SLC38A2: variants seen among roughly 807,000 people sequenced by gnomAD.
The protein encoded by SLC38A2 is solute carrier family 38 member 2.
In SLC38A2, 11 loss-of-function variants were observed where a neutral mutation model predicts 61.5. The ratio of observed to expected loss-of-function variants is 0.18; its 90% CI spans 0.11 to 0.30. The LOEUF (loss-of-function observed/expected upper bound fraction) is 0.30, where lower values mean the gene tolerates loss of function less well. Ranked by LOEUF, SLC38A2 falls within the 10% of genes least tolerant of loss-of-function variation. The probability of loss-of-function intolerance (pLI) is 1.00; values close to 1 mark genes in which losing one functional copy is unlikely to be tolerated. For missense variants in SLC38A2, 522 were observed against 600.4 expected, an observed-to-expected ratio of 0.87 and a Z score of 1.36; for synonymous variants, 217 against 212.5, an observed-to-expected ratio of 1.02 and a Z score of -0.18.
chr12:46,365,325 CCT>C, intron 7 of SLC38A2, 136 bp from the exon 8 acceptor site: 1 of 740,096 alleles, frequency 1.4e-6, no homozygotes, highest in South Asian at 1.6e-5. Flanking sequence ...AAAAGTTTCC[CCT>C]GTTCAAGATA....
At chr12:46,369,874 G>A (rs763621193) in intron 4 of SLC38A2, among the ~76,000 whole-genome samples, 36 of 152,034 alleles carry the variant, frequency 2.4e-4, no homozygotes, top group Non-Finnish European at 4.6e-4. Context: ...ACTGTGGGGG[G>A]AACCATTTAA....
rs899739297 is a variant in SLC38A2, at chr12:46,370,675, G to A, written c.199-48C>T. ...CCAAACATATAACAATAATTAAATG[G>A]AGAAAACCAGCTTTGGGCAAGTTAG... On this transcript the variant is annotated intron_variant, in intron 3 of 15. Coordinates refer to ENST00000256689, the MANE Select transcript of SLC38A2 (RefSeq NM_018976.5). 6 of 1,563,818 alleles carry A rather than the reference G, an allele frequency of 3.8e-6. No homozygotes were observed. In the African/African-American group the frequency reaches 8.2e-5, roughly 21 times the overall value.
In SLC38A2 at chr12:46,360,572, T is replaced by C. The variant is rs1943070481; in HGVS notation, c.*539A>G. The C allele has an allele frequency of 2.6e-5, 4 of 152,382 alleles. 1 individual carries two copies. The South Asian group carries it at 8.3e-4, about 32-fold the overall frequency. 9.4% of individuals were successfully genotyped at this position (152,382 alleles called of 1,614,324 possible). A position where few individuals can be genotyped will look rare whatever the true frequency, so the allele number is the denominator to read the frequency against. On this transcript the variant is annotated 3_prime_UTR_variant, in exon 16 of 16. Coordinates refer to ENST00000256689, the MANE Select transcript of SLC38A2 (RefSeq NM_018976.5). Reference sequence around the variant, plus strand: ...TCATTTTTAAATACCAATGACATTATTTTATGGAATTTATTGATAACTGCT... The same window carrying C: ...TCATTTTTAAATACCAATGACATTACTTTATGGAATTTATTGATAACTGCT...
In SLC38A2 at chr12:46,371,210, G is replaced by A. The variant is rs185876867; in HGVS notation, c.84C>T (p.Tyr28=). ...SSYSSNSDFN[Y]SYPTKQAALK... is the part of the protein sequence containing the mutation. Reference sequence around the variant, plus strand: ...GAGCAGCTTGCTTGGTGGGGTAGGAGTAGTTGAAGTCGCTGTTGGAACTGT... The same window carrying A: ...GAGCAGCTTGCTTGGTGGGGTAGGAATAGTTGAAGTCGCTGTTGGAACTGT... Residue 28 remains tyrosine (Y), a synonymous_variant, in exon 2 of 16, where the codon TAC becomes TAT. Transcript: ENST00000256689. 1.4e-5 allele frequency: 23 copies of A among 1,614,246 alleles called. No homozygotes were observed. The highest frequency in any genetic ancestry group is 6.7e-5 in the Admixed American group (4 of 60,034).
chr12:46,367,422 CATT>C (rs1943150642), intron 4 of SLC38A2, 82 bp from the exon 5 acceptor site: 1 of 805,918 alleles, frequency 1.2e-6, no homozygotes, highest in South Asian at 1.5e-5. Context: ...GTTTAAATAA[CATT>C]ATGTGTGCAA....
At chr12:46,362,685 A>G (rs750175358) in intron 13 of SLC38A2, 47 bp from the exon 14 acceptor site, 2 of 1,527,432 alleles carry the variant, frequency 1.3e-6, no homozygotes, top group Admixed American at 2.5e-5. Context: ...GCAGCAATAT[A>G]AAATTTAAAA....
At chr12:46,368,125 A>G (rs1943158037) in intron 4 of SLC38A2, among the ~76,000 whole-genome samples, 1 of 152,204 alleles carries the variant, frequency 6.6e-6, no homozygotes, top group Non-Finnish European at 1.5e-5. Context: ...AAAAAAAAGA[A>G]AGAAAAGGAA....
chr12:46,362,924 T>C, intron 13 of SLC38A2, 97 bp downstream of exon 13: 1 of 1,467,782 alleles, frequency 6.8e-7, no homozygotes, highest in Admixed American at 1.9e-5. Flanking sequence ...AGTATTGTTC[T>C]ACTGGTGTTT....
intron 4 of SLC38A2, among the ~76,000 whole-genome samples, chr12:46,370,181 A>C (rs1943179963): frequency 6.6e-6 from 1 of 152,214 alleles, no homozygotes; most frequent in Non-Finnish European, 1.5e-5. Context: ...ATTTGCCAAA[A>C]CAAAATTTAT....
intron 8 of SLC38A2, 74 bp downstream of exon 8, chr12:46,365,033 A>C: frequency 7.7e-7 from 1 of 1,307,172 alleles, no homozygotes. Context: ...ATTCTGATTA[A>C]TTTCTATTCA....
chr12:46,364,124 T>A (rs1943113209), intron 10 of SLC38A2, 121 bp from the exon 11 acceptor site: 2 of 892,350 alleles, frequency 2.2e-6, no homozygotes, highest in East Asian at 2.7e-5. Context: ...TTTGTGTAAT[T>A]AGCTTCCATT....
At position 46,369,672 on chromosome 12, in the gene SLC38A2, G is replaced by T. The variant is rs1376211250; in HGVS notation, c.314+840C>A. ...ACACAAACATCACTGAAAAATACAT[G>T]CTTAAGATTGCATGTATTTTTGTTT... On this transcript the variant is annotated intron_variant, in intron 4 of 15. Coordinates refer to ENST00000256689, the MANE Select transcript of SLC38A2 (RefSeq NM_018976.5). Among the ~76,000 whole-genome samples, 3 of 152,040 alleles carry T rather than the reference G, an allele frequency of 2.0e-5. No homozygotes were observed. The East Asian group carries it at 5.8e-4, about 29-fold the overall frequency.
In SLC38A2 at chr12:46,371,338, C is replaced by A; in HGVS notation, c.-45G>T. ...CGGGTGCAGCTAGTAGCGCTGGGCT[C>A]CTTTTGTCCTTGGCGGTGGGTGCAG... is the stretch of plus-strand genomic sequence containing the variant. On this transcript the variant is annotated 5_prime_UTR_variant, in exon 2 of 16. Transcript: ENST00000256689. The A allele has an allele frequency of 1.3e-6, 2 of 1,513,380 alleles. No homozygotes were observed. The highest frequency in any genetic ancestry group is 2.2e-5 in the South Asian group (2 of 88,946). The allele number at this position is 1,513,380 out of a possible 1,614,324, so 93.7% of individuals were successfully genotyped here. A position where few individuals can be genotyped will look rare whatever the true frequency, so the allele number is the denominator to read the frequency against.
At position 46,364,571 on chromosome 12, in the gene SLC38A2, T is replaced by C; in HGVS notation, c.706-15A>G. On this transcript the variant is annotated splice_polypyrimidine_tract_variant and intron_variant, in intron 9 of 15. Transcript: ENST00000256689. ...TTGCAAATGACCTAAAAATATATTA[T>C]TTTGCATGTGTTAAACTAAGTGACA... 1 of 1,600,672 alleles carries C rather than the reference T, an allele frequency of 6.2e-7. No individual in the cohort carries two copies. The highest frequency in any genetic ancestry group is 1.8e-5 in the Admixed American group (1 of 56,476).
intron 15 of SLC38A2, among the ~76,000 whole-genome samples, chr12:46,361,695 A>C (rs1279215415): frequency 6.6e-6 from 1 of 152,206 alleles, no homozygotes; most frequent in Non-Finnish European, 1.5e-5. Flanking sequence ...CTAGTACTTT[A>C]ATCAGAGCAG....
chr12:46,371,700 C>T (rs1943203987), intron 1 of SLC38A2: 1 of 219,906 alleles, frequency 4.5e-6, no homozygotes, highest in Non-Finnish European at 9.0e-6. Context: ...TTCCCAGTCG[C>T]TCCAAACTTG....
intron 8 of SLC38A2, 112 bp from the exon 9 acceptor site, chr12:46,364,814 G>C (rs1176508681): frequency 1.0e-6 from 1 of 985,920 alleles, no homozygotes; most frequent in East Asian, 2.5e-5. Flanking sequence ...AGGCACTAAA[G>C]TATGTGTATA....
intron 4 of SLC38A2, among the ~76,000 whole-genome samples, chr12:46,368,292 A>T (rs894886393): frequency 6.6e-6 from 1 of 152,208 alleles, no homozygotes. Context: ...CTATTGTCAC[A>T]GTTAAACAAT....
At chr12:46,372,054 G>A (rs1256056016) in intron 1 of SLC38A2, among the ~76,000 whole-genome samples, 3 of 152,194 alleles carry the variant, frequency 2.0e-5, no homozygotes, top group Non-Finnish European at 4.4e-5. Context: ...AAAGAAAACT[G>A]ATGCAATATC....
Sources: gnomAD v4.1 joint callset for allele counts (sites outside exome capture counted in the v4.1 genomes callset) on GRCh38, gnomAD v4.1.1 for gene constraint, MANE v1.5 for transcripts, NCBI Gene and HGNC (gene_info 2026-07-23, HGNC 2026-07-21) for gene names.